ERP44: variants seen among roughly 807,000 people sequenced by gnomAD.
ERP44 encodes the protein endoplasmic reticulum resident protein 44.
In ERP44, 25 loss-of-function variants were observed where a neutral mutation model predicts 53.4. The observed-to-expected ratio is 0.47, with a 90% CI of 0.34 to 0.65. The LOEUF is 0.65. ERP44 is among the 30% of genes least tolerant of loss of function. The pLI is 0.01. For synonymous variants in ERP44, 145 were observed against 161.2 expected, an observed-to-expected ratio of 0.90 and a Z score of 0.76; for missense variants, 338 against 493.2, an observed-to-expected ratio of 0.69 and a Z score of 2.98.
intron 4 of ERP44, among the ~76,000 whole-genome samples, chr9:100,038,928 G>T (rs1248200707): frequency 1.3e-5 from 2 of 152,042 alleles, no homozygotes; most frequent in African/African-American, 4.8e-5. Context: ...ATGACAAATG[G>T]GTCAATTCAG....
At chr9:100,029,073 A>G (rs1316859645) in intron 4 of ERP44, among the ~76,000 whole-genome samples, 1 of 152,224 alleles carries the variant, frequency 6.6e-6, no homozygotes, top group East Asian at 1.9e-4. Flanking sequence ...GAAACTATAA[A>G]ACCAGTAGAA....
At chr9:100,034,200 C>A (rs1040201701) in intron 4 of ERP44, among the ~76,000 whole-genome samples, 16 of 152,118 alleles carry the variant, frequency 1.1e-4, no homozygotes, top group African/African-American at 3.9e-4. Context: ...AAGAAGCTGG[C>A]CAAAACCCAA....
At chr9:100,059,008 A>G (rs755258744) in intron 2 of ERP44, among the ~76,000 whole-genome samples, 1 of 152,222 alleles carries the variant, frequency 6.6e-6, no homozygotes, top group Non-Finnish European at 1.5e-5. Context: ...GCAAATCTTT[A>G]GGTAGGGGTC....
At chr9:100,060,884 T>A (rs147195172) in intron 1 of ERP44, among the ~76,000 whole-genome samples, 146 of 152,344 alleles carry the variant, frequency 9.6e-4, no homozygotes, top group African/African-American at 3.4e-3. Flanking sequence ...CTTCAATGAC[T>A]TGGTGTTTGC....
At chr9:100,058,095 A>C (rs1400066268) in intron 2 of ERP44, among the ~76,000 whole-genome samples, 1 of 152,066 alleles carries the variant, frequency 6.6e-6, no homozygotes, top group African/African-American at 2.4e-5. Context: ...TATTTTATGG[A>C]GACTGGGTCT....
chr9:100,081,084 A>G (rs993806898), intron 1 of ERP44, among the ~76,000 whole-genome samples: 3 of 152,128 alleles, frequency 2.0e-5, no homozygotes, highest in Admixed American at 6.5e-5. Flanking sequence ...TTATAAAAGA[A>G]TTTATATCAG....
rs145429258 is a variant in ERP44 at position 100,011,837 on chromosome 9, T to C, written c.763-4148A>G. On this transcript the variant is annotated intron_variant, in intron 8 of 11. Transcript: ENST00000262455. Reference sequence around the variant, plus strand: ...TAAGAATGGACTTAAAATGCCAAGCTGTCATATAGAAATAAAGGTTGAGTA... The same window carrying C: ...TAAGAATGGACTTAAAATGCCAAGCCGTCATATAGAAATAAAGGTTGAGTA... Among the ~76,000 whole-genome samples, 4 of 152,298 alleles carry C rather than the reference T, an allele frequency of 2.6e-5. No homozygotes were observed. The East Asian group carries it at 7.7e-4, about 29-fold the overall frequency.
At chr9:100,070,726 T>C (rs1826291495) in intron 1 of ERP44, among the ~76,000 whole-genome samples, 1 of 152,174 alleles carries the variant, frequency 6.6e-6, no homozygotes, top group Non-Finnish European at 1.5e-5. Context: ...CCCAAGAAAC[T>C]AGTGTATAAG....
chr9:100,091,374 A>T (rs1240287699), intron 1 of ERP44, among the ~76,000 whole-genome samples: 1 of 152,186 alleles, frequency 6.6e-6, no homozygotes, highest in Non-Finnish European at 1.5e-5. Flanking sequence ...TCCCCTCTTG[A>T]ATGGACTAAT....
At chr9:100,054,290 G>T (rs954649788) in intron 3 of ERP44, among the ~76,000 whole-genome samples, 1 of 152,220 alleles carries the variant, frequency 6.6e-6, no homozygotes, top group African/African-American at 2.4e-5. Context: ...AGGTTTGTGG[G>T]TTCTTACAGT....
intron 4 of ERP44, among the ~76,000 whole-genome samples, chr9:100,039,306 C>T (rs1037118882): frequency 2.0e-5 from 3 of 152,016 alleles, no homozygotes; most frequent in African/African-American, 4.8e-5. Context: ...AGTCTTAAAA[C>T]GTTCAAAAAA....
chr9:100,029,991 G>A (rs1433415587), intron 4 of ERP44, among the ~76,000 whole-genome samples: 1 of 152,146 alleles, frequency 6.6e-6, no homozygotes, highest in Non-Finnish European at 1.5e-5. Flanking sequence ...AGGAGGCTGA[G>A]GCGGGAGAAT....
intron 1 of ERP44, among the ~76,000 whole-genome samples, chr9:100,098,551 T>G (rs1826686441): frequency 6.6e-6 from 1 of 152,176 alleles, no homozygotes; most frequent in Non-Finnish European, 1.5e-5. Flanking sequence ...CGTGACTACG[T>G]ATCAGTCCCT....
rs75376589 is a variant in ERP44, at chr9:100,057,019, G to A, written c.170+801C>T. On this transcript the variant is annotated intron_variant, in intron 3 of 11. Transcript: ENST00000262455. The stretch of plus-strand genomic sequence containing the variant: ...ATTGTAGAGAACAGAATGGAGATAC[G>A]TAAGACTAGAGGCACAGAAAAGAAA... Among the ~76,000 whole-genome samples, 138 of 152,294 alleles carry A rather than the reference G, an allele frequency of 9.1e-4. No individual in the cohort carries two copies. The East Asian group carries it at 0.024, about 27-fold the overall frequency.
intron 4 of ERP44, among the ~76,000 whole-genome samples, chr9:100,047,538 C>T (rs946713356): frequency 9.2e-5 from 14 of 152,138 alleles, no homozygotes; most frequent in Non-Finnish European, 1.9e-4. Flanking sequence ...GGGCCCTTAC[C>T]TTGTTCCATA....
Position 99,984,962 on chromosome 9 carries a change from C to T in ERP44, c.1119+5G>A. The stretch of plus-strand genomic sequence containing the variant: ...TTCTCATTGAAAAATAAACAGGAGT[C>T]CTACCTCTCCTGGGGCTGTATCAGT... On this transcript the variant is annotated splice_donor_5th_base_variant and intron_variant, in intron 11 of 11. Transcript: ENST00000262455. 1 of 1,579,246 alleles carries T rather than the reference C, an allele frequency of 6.3e-7. No individual in the cohort carries two copies. The highest frequency in any genetic ancestry group is 8.7e-7 in the Non-Finnish European group (1 of 1,150,076).
intron 1 of ERP44, among the ~76,000 whole-genome samples, chr9:100,067,185 C>G (rs1826220994): frequency 6.6e-6 from 1 of 152,122 alleles, no homozygotes; most frequent in Non-Finnish European, 1.5e-5. Context: ...CTCTCCCTCT[C>G]CCTCTCCCCA....
At chr9:100,089,440 G>T (rs1250351594) in intron 1 of ERP44, among the ~76,000 whole-genome samples, 2 of 152,090 alleles carry the variant, frequency 1.3e-5, no homozygotes, top group South Asian at 4.1e-4. Flanking sequence ...AATTAGCTGG[G>T]TGTAGTGGCG....
chr9:100,083,478 G>A (rs1176920212), intron 1 of ERP44, among the ~76,000 whole-genome samples: 2 of 152,116 alleles, frequency 1.3e-5, no homozygotes, highest in East Asian at 1.9e-4. Flanking sequence ...CCATGAGAAG[G>A]GTTGAAAGTA....
Sources: gnomAD v4.1 joint callset for allele counts (sites outside exome capture counted in the v4.1 genomes callset) on GRCh38, gnomAD v4.1.1 for gene constraint, MANE v1.5 for transcripts, NCBI Gene and HGNC (gene_info 2026-07-23, HGNC 2026-07-21) for gene names.